ANKDD1A: variants seen among roughly 807,000 people sequenced by gnomAD.
ANKDD1A encodes ankyrin repeat and death domain containing 1A.
ANKDD1A carries 59 observed loss-of-function variants against 63.5 expected under a neutral mutation model. The ratio of observed to expected loss-of-function variants is 0.93; its 90% CI spans 0.75 to 1.15. ANKDD1A has a LOEUF of 1.15. Ranked by LOEUF, ANKDD1A falls within the 50% of genes most tolerant of loss-of-function variation. The pLI is 0.00. For synonymous variants in ANKDD1A, 266 were observed against 263.9 expected (o/e 1.01, Z -0.08); for missense variants, 632 against 656.4 (o/e 0.96, Z 0.41).
At chr15:64,916,302 A>G (rs1412604733) in intron 2 of ANKDD1A, among the ~76,000 whole-genome samples, 4 of 151,208 alleles carry the variant, frequency 2.6e-5, no homozygotes, top group African/African-American at 9.7e-5. Context: ...TTGTCGTAAG[A>G]GCGTGTGCAG....
intron 9 of ANKDD1A, among the ~76,000 whole-genome samples, chr15:64,935,788 G>A (rs779054220): frequency 6.6e-6 from 1 of 152,038 alleles, no homozygotes; most frequent in Non-Finnish European, 1.5e-5. Context: ...AAGTTGCAGT[G>A]AGCCAAGATC....
intron 14 of ANKDD1A, among the ~76,000 whole-genome samples, chr15:64,954,642 CCTTCTTCTTCTCCTTCTTTCTTCTTGTCT>C (rs1294530233): frequency 6.0e-5 from 4 of 67,086 alleles, no homozygotes; most frequent in Middle Eastern, 0.011. Context: ...TTTTCTTCTT[CCTTCTTCTTCTCCTTCTTTCTTCTTGTCT>C]CTTCTTCTTC....
At chr15:64,947,249 C>G (rs1009027434) in intron 12 of ANKDD1A, among the ~76,000 whole-genome samples, 155 bp from the exon 13 acceptor site, 1 of 152,118 alleles carries the variant, frequency 6.6e-6, no homozygotes, top group Non-Finnish European at 1.5e-5. Context: ...AGTGAGAAAC[C>G]AGAAGAGAGG....
rs748933451 is a variant in ANKDD1A, at chr15:64,949,947, G to A, written c.1458G>A (p.Val486=). 14 of 1,610,202 alleles carry A rather than the reference G, an allele frequency of 8.7e-6. No individual in the cohort carries two copies. The highest frequency in any genetic ancestry group is 1.2e-5 in the Non-Finnish European group (14 of 1,179,968). ...NPSKALFEGL[V]AIGRRDLAGW... is the part of the protein sequence containing the mutation. ...GCAAAGCGCTGTTCGAGGGCCTCGT[G>A]GCCATTGGCAGGAGGGACCTGGCTG... Residue 486 remains valine, a synonymous_variant, in exon 14 of 15, where the codon GTG becomes GTA. Transcript: ENST00000319580.
Position 64,953,592 on chromosome 15 carries a change from CT to C in ANKDD1A, c.1484-3510del, listed in dbSNP as rs565043976. On this transcript the variant is annotated intron_variant, in intron 14 of 14. Transcript: ENST00000319580. ...TTCTTCTTAGTTCTTCTTCTTCCTT[CT>C]CCTTTTCTTCTTTCTTCTCTCCTTC... is the stretch of plus-strand genomic sequence containing the variant. Among the ~76,000 whole-genome samples the C allele has an allele frequency of 5.1e-3, 484 of 95,438 alleles. 1 individual carries two copies. Among genetic ancestry groups the C allele is most frequent in the Non-Finnish European group, 9.3e-3 (376 of 40,412 alleles). 62.6% of individuals were successfully genotyped at this position (95,438 alleles called of 152,430 possible). A position where few individuals can be genotyped will look rare whatever the true frequency, so the allele number is the denominator to read the frequency against.
intron 2 of ANKDD1A, among the ~76,000 whole-genome samples, chr15:64,916,167 C>G (rs1335386256): frequency 6.6e-6 from 1 of 152,112 alleles, no homozygotes; most frequent in Non-Finnish European, 1.5e-5. Flanking sequence ...TGGGACCCAT[C>G]TGAGAGGTTA....
intron 1 of ANKDD1A, among the ~76,000 whole-genome samples, chr15:64,912,697 TGGCTGAATCCTGAC>T (rs1158563321): frequency 6.6e-6 from 1 of 152,256 alleles, no homozygotes; most frequent in African/African-American, 2.4e-5. Context: ...CCTGCAGCCC[TGGCTGAATCCTGAC>T]AGCTGAATCC....
chr15:64,927,077 T>C, intron 6 of ANKDD1A, 78 bp downstream of exon 6: 1 of 1,458,372 alleles, frequency 6.9e-7, no homozygotes, highest in Non-Finnish European at 9.6e-7. Flanking sequence ...TCCTCACCTG[T>C]GTCCACGTCT....
At chr15:64,912,644 G>A (rs985087269) in intron 1 of ANKDD1A, among the ~76,000 whole-genome samples, 1 of 152,244 alleles carries the variant, frequency 6.6e-6, no homozygotes, top group Non-Finnish European at 1.5e-5. Flanking sequence ...CTGGGAGAGG[G>A]GAGAGAAAGA....
chr15:64,912,192 C>T (rs1222449559), intron 1 of ANKDD1A, among the ~76,000 whole-genome samples: 2 of 152,084 alleles, frequency 1.3e-5, no homozygotes, highest in Non-Finnish European at 2.9e-5. Context: ...CGGGGAGCAG[C>T]GGCTGAGAGG....
At chr15:64,954,760 GTTC>G (rs1347370626) in intron 14 of ANKDD1A, among the ~76,000 whole-genome samples, 13 of 99,208 alleles carry the variant, frequency 1.3e-4, no homozygotes, top group Admixed American at 3.5e-4. Context: ...CTTTCTTTTT[GTTC>G]TTCTTTCTTC....
chr15:64,943,444 C>T (rs376459918), intron 10 of ANKDD1A, 40 bp from the exon 11 acceptor site: 84 of 1,586,358 alleles, frequency 5.3e-5, no homozygotes, highest in Non-Finnish European at 7.0e-5. Context: ...GCCACCCCTA[C>T]ATGCTTTTCA....
intron 14 of ANKDD1A, among the ~76,000 whole-genome samples, chr15:64,951,681 TTTC>T (rs370288067): frequency 3.0e-5 from 1 of 33,436 alleles, no homozygotes; most frequent in African/African-American, 6.5e-5. Flanking sequence ...TCTTTCCTTC[TTTC>T]TTCTTCCTCT....
intron 7 of ANKDD1A, 23 bp from the exon 8 acceptor site, chr15:64,931,464 A>G (rs1450794962): frequency 6.2e-7 from 1 of 1,608,802 alleles, no homozygotes; most frequent in South Asian, 1.1e-5. Flanking sequence ...CACCATCCTC[A>G]TTGCTCTTCT....
intron 9 of ANKDD1A, among the ~76,000 whole-genome samples, chr15:64,938,196 C>T (rs1001610352): frequency 6.6e-6 from 1 of 152,094 alleles, no homozygotes; most frequent in Non-Finnish European, 1.5e-5. Flanking sequence ...ATGTAGATAT[C>T]ATGCTCTCAA....
intron 1 of ANKDD1A, among the ~76,000 whole-genome samples, chr15:64,913,206 C>T (rs896216618): frequency 1.3e-5 from 2 of 152,174 alleles, no homozygotes; most frequent in Admixed American, 6.5e-5. Flanking sequence ...GGGACCTATA[C>T]AGATCTCTTT....
intron 14 of ANKDD1A, among the ~76,000 whole-genome samples, chr15:64,952,575 TC>T (rs1467957549): frequency 2.8e-5 from 2 of 71,366 alleles, no homozygotes; most frequent in Non-Finnish European, 6.6e-5. Flanking sequence ...GTTCTTCTTC[TC>T]CTTCTTTTCT....
At chr15:64,952,672 TTC>T (rs2085316743) in intron 14 of ANKDD1A, among the ~76,000 whole-genome samples, 1 of 144,916 alleles carries the variant, frequency 6.9e-6, no homozygotes, top group East Asian at 2.2e-4. Context: ...CCCTTCTTCC[TTC>T]TTCTTCTTCC....
intron 14 of ANKDD1A, chr15:64,950,281 AT>A: frequency 1.0e-6 from 1 of 985,194 alleles, no homozygotes; most frequent in Non-Finnish European, 1.2e-6. Flanking sequence ...TTTTTTTTCC[AT>A]TTTGGAATAA....
Sources: gnomAD v4.1 joint callset for allele counts (sites outside exome capture counted in the v4.1 genomes callset) on GRCh38, gnomAD v4.1.1 for gene constraint, MANE v1.5 for transcripts, NCBI Gene and HGNC (gene_info 2026-07-23, HGNC 2026-07-21) for gene names.